Variants in YAE1 observed in about 807,000 individuals in gnomAD.
The protein encoded by YAE1 is protein YAE1 homolog.
Under a neutral mutation model 23.0 loss-of-function variants are expected in YAE1, and 22 were observed. The observed-to-expected ratio is 0.96, with a 90% CI of 0.68 to 1.37. The LOEUF is 1.37. Among genes scored for constraint, YAE1 ranks in the 40% most tolerant of loss-of-function variants. The pLI is 0.00. For synonymous variants in YAE1, 101 were observed against 97.0 expected, an observed-to-expected ratio of 1.04 and a Z score of -0.24; for missense variants, 260 against 262.1, an observed-to-expected ratio of 0.99 and a Z score of 0.06.
intron 1 of YAE1, among the ~76,000 whole-genome samples, chr7:39,568,730 C>G (rs992750702): frequency 1.3e-5 from 2 of 152,092 alleles, no homozygotes; most frequent in African/African-American, 4.8e-5. Flanking sequence ...AAGAAAAATA[C>G]AAGAGAAAAT....
intron 2 of YAE1, among the ~76,000 whole-genome samples, chr7:39,590,938 A>T (rs73377376): frequency 0.066 from 9,999 of 152,236 alleles, 1,128 homozygotes; most frequent in African/African-American, 0.23. Flanking sequence ...GTCATAACAG[A>T]AACTGCAGAC....
At chr7:39,609,739 A>G (rs1317454279) in exon 3 of YAE1, 1 of 1,535,362 alleles carries the variant, frequency 6.5e-7, no homozygotes, top group East Asian at 2.4e-5. Flanking sequence ...GCGACACCGA[A>G]GCAGCCCACG....
intron 2 of YAE1, among the ~76,000 whole-genome samples, chr7:39,598,586 G>A (rs950483587): frequency 4.6e-5 from 7 of 151,852 alleles, no homozygotes; most frequent in Non-Finnish European, 1.5e-5. Context: ...AAACCAGCCT[G>A]GGCAACATGG....
rs538972660 is a variant in YAE1, at chr7:39,609,640, T to C, written c.275T>C (p.Leu92Pro). ...AGGAACTCAACGGATTGGAGCCTAC[T>C]GGGCTTGAGAGCCCCGCTGAGGAGT... Residue 92 changes from leucine to proline, a missense_variant, in exon 3 of 3, where the codon CTG (leucine) becomes CCG (proline). Coordinates refer to the YAE1 transcript ENST00000432096. 48 of 1,535,508 alleles carry C rather than the reference T, an allele frequency of 3.1e-5. No individual in the cohort carries two copies. The South Asian group carries it at 5.4e-4, about 17-fold the overall frequency.
At chr7:39,590,554 T>A (rs1790887858) in intron 2 of YAE1, among the ~76,000 whole-genome samples, 1 of 152,188 alleles carries the variant, frequency 6.6e-6, no homozygotes, top group African/African-American at 2.4e-5. Flanking sequence ...GATATTTGCA[T>A]AAACATAATG....
At chr7:39,582,358 T>TA (rs888586594) in intron 2 of YAE1, among the ~76,000 whole-genome samples, 3 of 152,192 alleles carry the variant, frequency 2.0e-5, no homozygotes, top group African/African-American at 4.8e-5. Context: ...TAAAAATAGT[T>TA]ATTTTAACTA....
At chr7:39,609,919 C>T (rs1233194286) in exon 3 of YAE1, 2 of 1,528,964 alleles carry the variant, frequency 1.3e-6, no homozygotes, top group Non-Finnish European at 1.7e-6. Context: ...CCGCCAGAGG[C>T]ACCTTCCAAC....
rs78637462 is a variant in YAE1 at position 39,580,971 on chromosome 7, C to T, written c.251+10344C>T. Among the ~76,000 whole-genome samples, 594 of 152,304 alleles carry T rather than the reference C, an allele frequency of 3.9e-3. 2 individuals are homozygous for T. The highest frequency in any genetic ancestry group is 0.014 in the African/African-American group (562 of 41,572). On this transcript the variant is annotated intron_variant, in intron 2 of 2. Transcript: ENST00000432096. ...CAGAAGCAATGTAAAATTCTAACCT[C>T]ACCTGCAGGAAGCATCTCTACTTGC...
intron 2 of YAE1, among the ~76,000 whole-genome samples, chr7:39,588,205 A>G (rs2115815068): frequency 6.6e-6 from 1 of 152,348 alleles, no homozygotes; most frequent in Non-Finnish European, 1.5e-5. Flanking sequence ...TGAAAGCTTG[A>G]CAAAGTTTAG....
At chr7:39,607,423 T>C (rs542654619) in intron 2 of YAE1, among the ~76,000 whole-genome samples, 342 of 151,926 alleles carry the variant, frequency 2.3e-3, no homozygotes, top group Non-Finnish European at 3.0e-3. Flanking sequence ...AACTGCAGCA[T>C]GGGAAGGGCT....
At chr7:39,588,553 C>A (rs1001469506) in intron 2 of YAE1, among the ~76,000 whole-genome samples, 1 of 151,582 alleles carries the variant, frequency 6.6e-6, no homozygotes, top group East Asian at 1.9e-4. Context: ...AGCTACCCCC[C>A]ACACACTGCA....
chr7:39,602,633 C>A (rs1166750758), intron 2 of YAE1, among the ~76,000 whole-genome samples: 1 of 152,226 alleles, frequency 6.6e-6, no homozygotes, highest in Non-Finnish European at 1.5e-5. Context: ...TGGCTGAATT[C>A]TATCAATGGG....
chr7:39,566,722 AAAC>A (rs1310460161), intron 1 of YAE1, 175 bp downstream of exon 1: 6 of 911,014 alleles, frequency 6.6e-6, no homozygotes, highest in East Asian at 5.9e-5. Flanking sequence ...AAAGCGTGTA[AAAC>A]AACAAGACGC....
intron 2 of YAE1, among the ~76,000 whole-genome samples, chr7:39,580,873 A>C (rs6973403): frequency 0.13 from 20,308 of 152,114 alleles, 1,759 homozygotes; most frequent in African/African-American, 0.25. Context: ...GTTCAAAAGA[A>C]AAAAGCACCT....
At chr7:39,573,228 A>G (rs546453451), downstream of YAE1, among the ~76,000 whole-genome samples, 8 of 152,356 alleles carry the variant, frequency 5.3e-5, no homozygotes, top group African/African-American at 7.2e-5. Flanking sequence ...GGTTAACAGC[A>G]AAATACTAAA....
chr7:39,573,454 A>C (rs1336782740), downstream of YAE1, among the ~76,000 whole-genome samples: 1 of 152,206 alleles, frequency 6.6e-6, no homozygotes, highest in Non-Finnish European at 1.5e-5. Flanking sequence ...ACTGACTTCT[A>C]TATTACCTTG....
chr7:39,569,457 G>A, intron 1 of YAE1: 1 of 492,642 alleles, frequency 2.0e-6, no homozygotes, highest in Non-Finnish European at 4.0e-6. Flanking sequence ...TTTACTTTTG[G>A]CTTCTTCTTC....
intron 1 of YAE1, 171 bp from the exon 2 acceptor site, chr7:39,570,335 T>C (rs1176819722): frequency 1.5e-5 from 12 of 788,568 alleles, no homozygotes; most frequent in Non-Finnish European, 2.2e-5. Flanking sequence ...AAACCAATAA[T>C]AAACTTAGGA....
chr7:39,573,043 T>C (rs1199667236), downstream of YAE1, among the ~76,000 whole-genome samples: 1 of 152,196 alleles, frequency 6.6e-6, no homozygotes, highest in Non-Finnish European at 1.5e-5. Context: ...CCCCTACTTC[T>C]ACCTCCTGTC....
Sources: allele counts gnomAD v4.1 joint callset (sites outside exome capture counted in the v4.1 genomes callset), GRCh38; gene constraint gnomAD v4.1.1; transcripts MANE v1.5; gene names NCBI Gene and HGNC (gene_info 2026-07-23, HGNC 2026-07-21).